Variants in CCDC38 observed in about 807,000 individuals in gnomAD.
CCDC38 encodes coiled-coil domain containing 38.
A neutral mutation model predicts 72.8 loss-of-function variants in CCDC38; 69 were observed. The observed-to-expected ratio is 0.95, with a 90% CI of 0.78 to 1.16. The LOEUF (loss-of-function observed/expected upper bound fraction) is 1.16. Among genes scored for constraint, CCDC38 ranks in the 50% most tolerant of loss-of-function variants. The probability of loss-of-function intolerance (pLI) is 0.00; values close to 1 mark genes in which losing one functional copy is unlikely to be tolerated. For missense variants in CCDC38, 626 were observed against 638.9 expected, an observed-to-expected ratio of 0.98 and a Z score of 0.22; for synonymous variants, 201 against 213.2, an observed-to-expected ratio of 0.94 and a Z score of 0.50.
At chr12:95,899,499 A>G (rs1360550004) in intron 5 of CCDC38, among the ~76,000 whole-genome samples, 1 of 152,108 alleles carries the variant, frequency 6.6e-6, no homozygotes, top group Non-Finnish European at 1.5e-5. Context: ...GGTTTTTGCC[A>G]TGTCAGCCAG....
intron 5 of CCDC38, chr12:95,903,631 G>C (rs2079972497): frequency 1.9e-6 from 1 of 529,406 alleles, no homozygotes; most frequent in Non-Finnish European, 3.3e-6. Context: ...TGGTTTTTCT[G>C]CATCAATTGG....
chr12:95,906,523 T>C, intron 4 of CCDC38, 72 bp from the exon 5 acceptor site: 1 of 1,049,336 alleles, frequency 9.5e-7, no homozygotes. Flanking sequence ...ATAAAAGCCA[T>C]ATAATTAAAT....
intron 13 of CCDC38, among the ~76,000 whole-genome samples, chr12:95,876,617 TATC>T (rs1299456872): frequency 6.6e-6 from 1 of 152,174 alleles, no homozygotes; most frequent in African/African-American, 2.4e-5. Context: ...GAAAGGTGGC[TATC>T]ATCACACCTC....
At chr12:95,901,248 G>A (rs1360173839) in intron 5 of CCDC38, among the ~76,000 whole-genome samples, 2 of 152,100 alleles carry the variant, frequency 1.3e-5, no homozygotes, top group African/African-American at 4.8e-5. Context: ...AATATTTTTG[G>A]TCTAAGCAAG....
chr12:95,869,537 G>A lies in CCDC38; in HGVS notation c.1521C>T (p.His507=). ...RDEKMKEKQR[H]QQERLKAALE... ...GAGCAGCTTTTAGCCTTTCCTGTTG[G>A]TGTCTTTGTTTTTCTTTCATTTTCT... The change falls in exon 15 of 16, where the codon CAC becomes CAT. Residue 507 remains histidine (H), a synonymous_variant. Coordinates refer to ENST00000344280, the MANE Select transcript of CCDC38 (RefSeq NM_182496.3). 5 of 1,613,326 alleles carry A rather than the reference G, an allele frequency of 3.1e-6. No homozygotes were observed. The African/African-American group carries it at 6.7e-5, about 22-fold the overall frequency.
chr12:95,901,583 G>A (rs1459249392), intron 5 of CCDC38, among the ~76,000 whole-genome samples: 1 of 152,120 alleles, frequency 6.6e-6, no homozygotes, highest in Admixed American at 6.5e-5. Context: ...AGGGAGAAGA[G>A]GAGAACAAGC....
intron 6 of CCDC38, 24 bp from the exon 7 acceptor site, chr12:95,898,489 A>C: frequency 1.9e-6 from 3 of 1,612,790 alleles, no homozygotes; most frequent in African/African-American, 1.3e-5. Flanking sequence ...AAGATCTGTT[A>C]ATTTGCTTCT....
intron 8 of CCDC38, among the ~76,000 whole-genome samples, chr12:95,891,310 C>G (rs899201637): frequency 6.6e-6 from 1 of 152,112 alleles, no homozygotes; most frequent in Non-Finnish European, 1.5e-5. Context: ...TCTGAACATT[C>G]TCTATTTGGA....
intron 5 of CCDC38, among the ~76,000 whole-genome samples, chr12:95,905,225 A>G (rs2079989177): frequency 6.6e-6 from 1 of 152,116 alleles, no homozygotes; most frequent in Non-Finnish European, 1.5e-5. Context: ...AGTTTGTTAA[A>G]TTCTCAGATG....
intron 4 of CCDC38, among the ~76,000 whole-genome samples, chr12:95,908,333 GCGCCTGCAATCGCA>G (rs2080038119): frequency 5.3e-5 from 8 of 149,802 alleles, no homozygotes; most frequent in African/African-American, 2.5e-5. Flanking sequence ...GTGGCGGCGC[GCGCCTGCAATCGCA>G]GGCACTCGGC....
At chr12:95,904,455 G>T (rs920115521) in intron 5 of CCDC38, among the ~76,000 whole-genome samples, 1 of 152,160 alleles carries the variant, frequency 6.6e-6, no homozygotes, top group African/African-American at 2.4e-5. Flanking sequence ...TATACTCATG[G>T]GTATAGTTTA....
At chr12:95,899,751 C>A (rs992237476) in intron 5 of CCDC38, among the ~76,000 whole-genome samples, 2 of 152,180 alleles carry the variant, frequency 1.3e-5, no homozygotes, top group African/African-American at 4.8e-5. Context: ...AAAAATGCTT[C>A]ATTCATTACT....
At chr12:95,926,800 C>T (rs1282375340) in intron 2 of CCDC38, among the ~76,000 whole-genome samples, 2 of 151,216 alleles carry the variant, frequency 1.3e-5, no homozygotes, top group African/African-American at 4.9e-5. Context: ...TGGTTATGTA[C>T]CCAGTAGTCA....
chr12:95,918,771 C>T (rs1422434327), intron 3 of CCDC38, 105 bp downstream of exon 3: 19 of 705,354 alleles, frequency 2.7e-5, no homozygotes, highest in South Asian at 2.1e-4. Context: ...ACACCATCTG[C>T]GTCTAGTTGA....
intron 10 of CCDC38, 81 bp downstream of exon 10, chr12:95,888,377 T>C (rs1453473142): frequency 1.5e-5 from 18 of 1,224,522 alleles, no homozygotes; most frequent in Non-Finnish European, 2.1e-5. Context: ...ACATGACATA[T>C]ATGTTGAGAA....
chr12:95,893,638 C>T (rs112526092), intron 8 of CCDC38, among the ~76,000 whole-genome samples: 139 of 152,046 alleles, frequency 9.1e-4, no homozygotes, highest in African/African-American at 3.1e-3. Flanking sequence ...TGCATCACCA[C>T]GCCCAGCTAA....
Position 95,918,935 on chromosome 12 carries a change from T to C in CCDC38, c.79A>G (p.Lys27Glu), listed in dbSNP as rs965922642. The change falls in exon 3 of 16, where the codon AAG (lysine) becomes GAG (glutamate). Residue 27 changes from lysine to glutamate, a missense_variant. Transcript: ENST00000344280. The stretch of plus-strand genomic sequence containing the variant: ...AGAAAGAGATCTCTGAAAAAGATCT[T>C]ATAAGGCCTGTCCTCTTTGGTTGAG... ...DGSTKEDRPY[K>E]IFFRDLFLVK... 1.2e-5 allele frequency: 20 copies of C among 1,612,482 alleles called. No individual in the cohort carries two copies. The African/African-American group carries it at 2.3e-4, about 18-fold the overall frequency.
In CCDC38 at chr12:95,877,611, A is replaced by G. The variant is rs116708452; in HGVS notation, c.1278+600T>C. ...TAACCTCATCATTCATTCAACAAAC[A>G]TTTATTGAGCACCAACTTTAAAGGG... On this transcript the variant is annotated intron_variant, in intron 13 of 15. Coordinates refer to ENST00000344280, the MANE Select transcript of CCDC38 (RefSeq NM_182496.3). Among the ~76,000 whole-genome samples, 960 of 152,348 alleles carry G rather than the reference A, an allele frequency of 6.3e-3. 15 individuals are homozygous for G. The highest frequency in any genetic ancestry group is 0.022 in the African/African-American group (912 of 41,576).
Position 95,879,770 on chromosome 12 carries a change from G to C in CCDC38, c.1016C>G (p.Pro339Arg), listed in dbSNP as rs2079678271. The stretch of plus-strand genomic sequence containing the variant: ...TCTGAGGACTTGAAGTAACTCCTCT[G>C]GTTCCTTGAAATAAAGTGCTGGCTC... ...DLEPALYFKE[P>R]EELLQVLREL... The change falls in exon 12 of 16, where the codon CCA (proline) becomes CGA (arginine). Residue 339 changes from proline (P) to arginine (R), a missense_variant. Pro to Arg is a moderately radical substitution (Grantham distance 103, BLOSUM62 -2). Coordinates refer to ENST00000344280, the MANE Select transcript of CCDC38 (RefSeq NM_182496.3). The surrounding 1 kb of genome is among the most constrained non-coding windows in gnomAD (Gnocchi z 5.5). The C allele has an allele frequency of 6.2e-7, 1 of 1,607,582 alleles. No homozygotes were observed. The highest frequency in any genetic ancestry group is 8.5e-7 in the Non-Finnish European group (1 of 1,177,118).
Sources: allele counts gnomAD v4.1 joint callset (sites outside exome capture counted in the v4.1 genomes callset), GRCh38; gene constraint gnomAD v4.1.1; non-coding constraint Gnocchi (gnomAD v3.1); transcripts MANE v1.5; gene names NCBI Gene and HGNC (gene_info 2026-07-23, HGNC 2026-07-21).